Variants in GPC5 observed in about 807,000 individuals in gnomAD.
GPC5 encodes the protein glypican 5.
In GPC5, 47 loss-of-function variants were observed where a neutral mutation model predicts 53.9. The ratio of observed to expected loss-of-function variants is 0.87; its 90% CI spans 0.69 to 1.11. GPC5 has a LOEUF of 1.11. Among genes scored for constraint, GPC5 ranks in the 50% most tolerant of loss-of-function variants. GPC5 has a pLI of 0.00. For synonymous variants in GPC5, 286 were observed against 263.3 expected, an observed-to-expected ratio of 1.09 and a Z score of -0.84; for missense variants, 748 against 713.1, an observed-to-expected ratio of 1.05 and a Z score of -0.56.
At chr13:92,294,826 C>CTTTTTTTTTTTT (rs147963724) in intron 7 of GPC5, among the ~76,000 whole-genome samples, 7 of 99,008 alleles carry the variant, frequency 7.1e-5, no homozygotes, top group African/African-American at 1.3e-4. Context: ...TTTTTTTTTT[C>CTTTTTTTTTTTT]TTTTTTTTTT....
intron 2 of GPC5, among the ~76,000 whole-genome samples, chr13:91,666,063 A>G (rs2035104428): frequency 6.6e-6 from 1 of 152,188 alleles, no homozygotes; most frequent in African/African-American, 2.4e-5. Context: ...CTATTTTCAT[A>G]TATGCCCTCT....
At chr13:92,793,993 C>T (rs776977442) in intron 7 of GPC5, among the ~76,000 whole-genome samples, 2 of 152,054 alleles carry the variant, frequency 1.3e-5, no homozygotes, top group African/African-American at 2.4e-5. Flanking sequence ...GAAACTATTC[C>T]AATCTACAGA....
At chr13:91,780,124 A>T (rs1378717867) in intron 5 of GPC5, among the ~76,000 whole-genome samples, 3 of 152,212 alleles carry the variant, frequency 2.0e-5, no homozygotes, top group Non-Finnish European at 4.4e-5. Flanking sequence ...CTACGGTGTC[A>T]CTAGGCTATA....
Position 92,830,229 on chromosome 13 carries a change from C to T in GPC5, c.1562-36053C>T, listed in dbSNP as rs1483235575. Among the ~76,000 whole-genome samples, 30 of 151,660 alleles carry T rather than the reference C, an allele frequency of 2.0e-4. 1 individual carries two copies. Among genetic ancestry groups the T allele is most frequent in the Admixed American group, 1.8e-3 (28 of 15,240 alleles). ...AATCATTTTCCACATTGTTTTTTTT[C>T]GTGTTTTGTGCCTAAGTTAAGAATG... On this transcript the variant is annotated intron_variant, in intron 7 of 7. Transcript: ENST00000377067.
intron 1 of GPC5, among the ~76,000 whole-genome samples, chr13:91,422,631 G>A (rs1490921132): frequency 1.5e-5 from 2 of 130,732 alleles, no homozygotes; most frequent in African/African-American, 5.6e-5. Flanking sequence ...GCAAGACTCA[G>A]TTAAAAGAAA....
chr13:91,509,411 T>C lies in GPC5; in HGVS notation c.325+60489T>C, dbSNP rs1393340528. ...GTGCTCATAAAGAAGGCTTAACATA[T>C]TCATATTTTAAGGATCAAATAGTGA... is the stretch of plus-strand genomic sequence containing the variant. On this transcript the variant is annotated intron_variant, in intron 2 of 7. Coordinates refer to ENST00000377067, the MANE Select transcript of GPC5 (RefSeq NM_004466.6). Among the ~76,000 whole-genome samples, 2 of 147,522 alleles carry C rather than the reference T, an allele frequency of 1.4e-5. 1 individual carries two copies. The highest frequency in any genetic ancestry group is 4.9e-5 in the African/African-American group (2 of 41,098).
chr13:92,339,204 A>T (rs187234457), intron 7 of GPC5, among the ~76,000 whole-genome samples: 1 of 151,402 alleles, frequency 6.6e-6, no homozygotes, highest in Non-Finnish European at 1.5e-5. Context: ...CAATATATAC[A>T]TTATGCTATT....
At chr13:92,452,582 A>C (rs1459869935) in intron 7 of GPC5, among the ~76,000 whole-genome samples, 2 of 151,554 alleles carry the variant, frequency 1.3e-5, no homozygotes, top group Admixed American at 6.6e-5. Flanking sequence ...AAAAAACAAA[A>C]AAAACAACCA....
At chr13:92,263,826 G>T (rs1267107045) in intron 7 of GPC5, among the ~76,000 whole-genome samples, 13 of 152,058 alleles carry the variant, frequency 8.5e-5, no homozygotes. Context: ...CAAAGATTGA[G>T]GTAAGTGACT....
At chr13:92,151,133 C>A (rs2041904850) in intron 7 of GPC5, among the ~76,000 whole-genome samples, 1 of 151,866 alleles carries the variant, frequency 6.6e-6, no homozygotes, top group Non-Finnish European at 1.5e-5. Flanking sequence ...GACTTCAGTC[C>A]CTCTAACTGT....
intron 7 of GPC5, among the ~76,000 whole-genome samples, chr13:92,415,409 G>C (rs1404093222): frequency 1.3e-5 from 2 of 152,040 alleles, no homozygotes; most frequent in African/African-American, 4.8e-5. Flanking sequence ...GGTATGTTTA[G>C]AAAATAAAAT....
chr13:91,659,942 C>G (rs773950110), intron 2 of GPC5, among the ~76,000 whole-genome samples: 13 of 152,076 alleles, frequency 8.5e-5, no homozygotes, highest in Non-Finnish European at 1.3e-4. Context: ...GCAAGGTAGT[C>G]AGTCATCATT....
intron 7 of GPC5, among the ~76,000 whole-genome samples, chr13:92,657,420 C>T (rs1594389449): frequency 6.6e-6 from 1 of 152,056 alleles, no homozygotes; most frequent in Admixed American, 6.5e-5. Context: ...ACACTGGATC[C>T]CTGTGTGTTT....
chr13:91,505,153 C>T (rs1884876288), intron 2 of GPC5, among the ~76,000 whole-genome samples: 1 of 151,940 alleles, frequency 6.6e-6, no homozygotes. Flanking sequence ...AACAAATAAT[C>T]CTAAGGTAAA....
chr13:91,956,997 C>T (rs555832621), intron 6 of GPC5, among the ~76,000 whole-genome samples: 1 of 151,640 alleles, frequency 6.6e-6, no homozygotes, highest in East Asian at 1.9e-4. Flanking sequence ...TTTTTGAAAA[C>T]CAAGAAAAAT....
At chr13:92,828,676 T>C (rs16947937) in intron 7 of GPC5, among the ~76,000 whole-genome samples, 17,993 of 152,090 alleles carry the variant, frequency 0.12, 1,128 homozygotes, top group Middle Eastern at 0.19. Flanking sequence ...CATAGGAAAA[T>C]TGAGCTCAAG....
At chr13:92,333,147 G>A (rs1323597071) in intron 7 of GPC5, among the ~76,000 whole-genome samples, 1 of 152,068 alleles carries the variant, frequency 6.6e-6, no homozygotes, top group East Asian at 1.9e-4. Flanking sequence ...ACAAGTCTCA[G>A]AATTAAAAAC....
chr13:91,488,438 C>T (rs9523343), intron 2 of GPC5, among the ~76,000 whole-genome samples: 15,738 of 152,120 alleles, frequency 0.1, 1,110 homozygotes, highest in African/African-American at 0.2. Context: ...GGACCCCGAA[C>T]GGAGGGACCG....
At chr13:91,553,532 G>A (rs945816881) in intron 2 of GPC5, among the ~76,000 whole-genome samples, 4 of 151,950 alleles carry the variant, frequency 2.6e-5, no homozygotes, top group Admixed American at 2.6e-4. Context: ...CTGTATATGA[G>A]GTAAAATGTT....
Sources: gnomAD v4.1 joint callset for allele counts (sites outside exome capture counted in the v4.1 genomes callset) on GRCh38, gnomAD v4.1.1 for gene constraint, MANE v1.5 for transcripts, NCBI Gene and HGNC (gene_info 2026-07-23, HGNC 2026-07-21) for gene names.